CACNA2D3: variants seen among roughly 807,000 people sequenced by gnomAD.
The protein encoded by CACNA2D3 is calcium voltage-gated channel auxiliary subunit alpha2delta 3, also known as voltage-dependent calcium channel subunit alpha-2/delta-3.
Under a neutral mutation model 160.6 loss-of-function variants are expected in CACNA2D3, and 60 were observed. The ratio of observed to expected loss-of-function variants is 0.37; its 90% CI spans 0.30 to 0.46. CACNA2D3 has a LOEUF of 0.46. Among genes scored for constraint, CACNA2D3 ranks in the 20% least tolerant of loss-of-function variants. CACNA2D3 has a pLI of 1.00. For synonymous variants in CACNA2D3, 558 were observed against 492.9 expected, an observed-to-expected ratio of 1.13 and a Z score of -1.75; for missense variants, 1,205 against 1,365.0, an observed-to-expected ratio of 0.88 and a Z score of 1.85.
chr3:54,822,790 C>CTTTCTTTCTTTCTTTCTTTCTTTCTTT (rs1491160047), intron 14 of CACNA2D3, among the ~76,000 whole-genome samples: 1 of 71,912 alleles, frequency 1.4e-5, no homozygotes, highest in Non-Finnish European at 2.7e-5. Context: ...TTCTTTCTTT[C>CTTTCTTTCTTTCTTTCTTTCTTTCTTT]CTTTCTTTCT....
intron 4 of CACNA2D3, among the ~76,000 whole-genome samples, chr3:54,400,900 A>G (rs1204142271): frequency 1.3e-5 from 2 of 152,186 alleles, no homozygotes; most frequent in South Asian, 2.1e-4. Flanking sequence ...TTACTCCAAG[A>G]AAAGGAAATT....
At chr3:54,164,681 T>C (rs1700416660) in intron 2 of CACNA2D3, among the ~76,000 whole-genome samples, 1 of 152,154 alleles carries the variant, frequency 6.6e-6, no homozygotes, top group Non-Finnish European at 1.5e-5. Context: ...GGGCACTTTG[T>C]GACCAGTGGG....
intron 1 of CACNA2D3, 91 bp from the exon 2 acceptor site, chr3:54,123,422 C>A: frequency 1.1e-6 from 1 of 873,098 alleles, no homozygotes; most frequent in Non-Finnish European, 2.0e-6. Flanking sequence ...ACTGCTCCTT[C>A]AGCCATAGTC....
chr3:55,034,178 T>C (rs1188714341), intron 35 of CACNA2D3, among the ~76,000 whole-genome samples: 3 of 151,872 alleles, frequency 2.0e-5, no homozygotes, highest in African/African-American at 7.2e-5. Context: ...TCTACCAATT[T>C]ATGAGAATGT....
At chr3:54,937,550 G>A (rs540057267) in intron 27 of CACNA2D3, among the ~76,000 whole-genome samples, 8 of 152,270 alleles carry the variant, frequency 5.3e-5, no homozygotes, top group African/African-American at 1.9e-4. Context: ...TGTTGTGCAA[G>A]GGTCAACTGT....
intron 2 of CACNA2D3, among the ~76,000 whole-genome samples, chr3:54,275,691 C>A (rs959599587): frequency 2.0e-5 from 3 of 152,116 alleles, no homozygotes; most frequent in African/African-American, 7.2e-5. Flanking sequence ...GATCTCAGCT[C>A]ACTGCAACCT....
intron 5 of CACNA2D3, among the ~76,000 whole-genome samples, chr3:54,533,271 G>A (rs914114933): frequency 5.3e-5 from 8 of 151,290 alleles, no homozygotes; most frequent in African/African-American, 1.7e-4. Flanking sequence ...TGTTCTGAGT[G>A]TGCTGGTTCC....
chr3:54,354,413 G>A (rs576857646), intron 3 of CACNA2D3, among the ~76,000 whole-genome samples: 2 of 152,210 alleles, frequency 1.3e-5, no homozygotes, highest in African/African-American at 4.8e-5. Context: ...AAGTATGAAG[G>A]ATTTTTTTAA....
At chr3:54,638,491 A>T (rs1241656480) in intron 10 of CACNA2D3, 1 of 151,962 alleles carries the variant, frequency 6.6e-6, no homozygotes, top group East Asian at 1.9e-4. Context: ...GGAGGAGCAG[A>T]GGCTGAGGAA....
intron 4 of CACNA2D3, among the ~76,000 whole-genome samples, chr3:54,413,220 C>G (rs918752182): frequency 6.6e-6 from 1 of 151,468 alleles, no homozygotes; most frequent in Admixed American, 6.6e-5. Flanking sequence ...TAATTCCATT[C>G]TCTTCTGATC....
At chr3:54,984,320 A>C (rs2107101976) in intron 29 of CACNA2D3, among the ~76,000 whole-genome samples, 1 of 150,756 alleles carries the variant, frequency 6.6e-6, no homozygotes. Context: ...AAAAAAAGGA[A>C]GACAAACTGT....
chr3:54,996,778 C>T (rs1553625949), intron 31 of CACNA2D3, among the ~76,000 whole-genome samples: 1 of 152,116 alleles, frequency 6.6e-6, no homozygotes, highest in Non-Finnish European at 1.5e-5. Context: ...AACCCAAATG[C>T]CCATCAATGA....
chr3:54,448,584 T>G (rs937960899), intron 4 of CACNA2D3, among the ~76,000 whole-genome samples: 1 of 152,086 alleles, frequency 6.6e-6, no homozygotes, highest in African/African-American at 2.4e-5. Context: ...TCTGTAAGTG[T>G]CCCTTACAAA....
intron 13 of CACNA2D3, among the ~76,000 whole-genome samples, chr3:54,803,812 C>T (rs1309322902): frequency 3.9e-5 from 6 of 152,154 alleles, no homozygotes; most frequent in East Asian, 3.9e-4. Flanking sequence ...AGAGAAAGGT[C>T]GGATTACCCA....
At chr3:54,868,668 A>T (rs1300316412) in intron 17 of CACNA2D3, among the ~76,000 whole-genome samples, 1 of 152,072 alleles carries the variant, frequency 6.6e-6, no homozygotes, top group African/African-American at 2.4e-5. Flanking sequence ...TCAAACTTGT[A>T]AGCTCCACAC....
At chr3:54,630,983 C>T (rs1489177042) in intron 10 of CACNA2D3, among the ~76,000 whole-genome samples, 1 of 152,114 alleles carries the variant, frequency 6.6e-6, no homozygotes, top group Admixed American at 6.6e-5. Context: ...GGGCGGATCA[C>T]CAGAGGTCCG....
intron 4 of CACNA2D3, among the ~76,000 whole-genome samples, chr3:54,418,479 A>G (rs6789739): frequency 1.0e-3 from 156 of 151,796 alleles, no homozygotes; most frequent in African/African-American, 3.4e-3. Context: ...GTCAAGAAGA[A>G]TGATGAGCCA....
At chr3:54,992,204 A>G (rs943714477) in intron 31 of CACNA2D3, among the ~76,000 whole-genome samples, 1 of 152,224 alleles carries the variant, frequency 6.6e-6, no homozygotes, top group Non-Finnish European at 1.5e-5. Flanking sequence ...ATGTGCAGCC[A>G]GCATCAAGAC....
At chr3:54,918,686 A>G (rs978322085) in intron 27 of CACNA2D3, 33 of 1,613,662 alleles carry the variant, frequency 2.0e-5, no homozygotes, top group African/African-American at 2.7e-5. Flanking sequence ...TTGAGCTCGC[A>G]CTCCAAGAGT....
Sources: allele counts gnomAD v4.1 joint callset (sites outside exome capture counted in the v4.1 genomes callset), GRCh38; gene constraint gnomAD v4.1.1; transcripts MANE v1.5; gene names NCBI Gene and HGNC (gene_info 2026-07-23, HGNC 2026-07-21).